Variants in JAKMIP1 observed in about 807,000 individuals in gnomAD.
JAKMIP1 encodes janus kinase and microtubule-interacting protein 1.
A neutral mutation model predicts 113.0 loss-of-function variants in JAKMIP1; 33 were observed. The ratio of observed to expected loss-of-function variants is 0.29; its 90% CI spans 0.22 to 0.39. JAKMIP1 has a LOEUF of 0.39. JAKMIP1 is among the 10% of genes least tolerant of loss of function. The pLI, the probability that JAKMIP1 is intolerant of heterozygous loss-of-function variation, is 1.00. For synonymous variants in JAKMIP1, 480 were observed against 459.9 expected (o/e 1.04, Z -0.56); for missense variants, 813 against 1,080.5 (o/e 0.75, Z 3.47).
At chr4:6,115,530 C>T (rs528580478) in intron 1 of JAKMIP1, among the ~76,000 whole-genome samples, 1 of 152,352 alleles carries the variant, frequency 6.6e-6, no homozygotes, top group East Asian at 1.9e-4. Context: ...AAGGTGCCAG[C>T]CCTGCACCCT....
intron 3 of JAKMIP1, among the ~76,000 whole-genome samples, chr4:6,101,577 G>T (rs989851320): frequency 2.0e-5 from 3 of 151,836 alleles, no homozygotes; most frequent in African/African-American, 7.3e-5. Context: ...TCTGCTTGCC[G>T]ATGTCTGCAT....
Position 6,106,037 on chromosome 4 carries a change from C to T in JAKMIP1, c.130-70G>A. 1.9e-6 allele frequency: 2 copies of T among 1,066,120 alleles called. No homozygotes were observed. Among genetic ancestry groups the T allele is most frequent in the South Asian group, 1.6e-5 (1 of 64,182 alleles). The allele number at this position is 1,066,120 out of a possible 1,614,324, so 66.0% of individuals were successfully genotyped here. On this transcript the variant is annotated intron_variant, in intron 2 of 20. Coordinates refer to ENST00000409021, the MANE Select transcript of JAKMIP1 (RefSeq NM_001099433.2). This position sits in a 1 kb window ranked among gnomAD's most constrained non-coding sequence, Gnocchi z 5.9. The stretch of plus-strand genomic sequence containing the variant: ...GTCAGGGTCAGGGTCAGGGTCACAG[C>T]TGGGGGAGCTGGCCACAGCCTCCCC...
chr4:6,148,736 C>A (rs1009563020), intron 1 of JAKMIP1, among the ~76,000 whole-genome samples: 3 of 152,240 alleles, frequency 2.0e-5, no homozygotes, highest in Non-Finnish European at 4.4e-5. Flanking sequence ...CAACTCCCAC[C>A]CGCACACCCA....
intron 20 of JAKMIP1, 64 bp from the exon 21 acceptor site, chr4:6,026,342 GAT>G: frequency 1.2e-6 from 1 of 837,384 alleles, no homozygotes; most frequent in Non-Finnish European, 1.9e-6. Flanking sequence ...ACAGATGTAA[GAT>G]ATGTAGTATG....
rs1203140627 is a variant in JAKMIP1 at position 6,085,566 on chromosome 4, C to A, written c.688G>T (p.Ala230Ser). The A allele has an allele frequency of 1.2e-6, 2 of 1,614,208 alleles. No individual in the cohort carries two copies. The highest frequency in any genetic ancestry group is 1.6e-4 in the Middle Eastern group (1 of 6,062). The change falls in exon 4 of 21, where the codon GCT (alanine) becomes TCT (serine). Residue 230 changes from alanine (A) to serine (S), a missense_variant. Around this residue, in one of 2 missense-constraint regions of JAKMIP1, gnomAD observed 540 missense variants for 653.9 expected, o/e 0.83. Coordinates refer to ENST00000409021, the MANE Select transcript of JAKMIP1 (RefSeq NM_001099433.2). ...LALEKELGVQ[A>S]GQTQKLLLQK... is the part of the protein sequence containing the mutation. ...AGAAGCAGCTTCTGGGTCTGCCCAG[C>A]CTGCACGCCAAGTTCCTTCTCCAAG... is the stretch of plus-strand genomic sequence containing the variant.
intron 1 of JAKMIP1, among the ~76,000 whole-genome samples, chr4:6,118,083 G>A (rs1158295026): frequency 6.6e-6 from 1 of 152,148 alleles, no homozygotes; most frequent in African/African-American, 2.4e-5. Flanking sequence ...AAATCACAAG[G>A]GTATTGATTG....
chr4:6,190,452 G>A (rs1189637719), intron 1 of JAKMIP1, among the ~76,000 whole-genome samples: 1 of 152,038 alleles, frequency 6.6e-6, no homozygotes, highest in Non-Finnish European at 1.5e-5. Context: ...TTCCATAAGT[G>A]AACAGCACCC....
At chr4:6,164,169 G>A (rs996484312) in intron 1 of JAKMIP1, among the ~76,000 whole-genome samples, 4 of 152,234 alleles carry the variant, frequency 2.6e-5, no homozygotes, top group African/African-American at 4.8e-5. Context: ...AGAAGTCGAT[G>A]CCTAGCTTCA....
intron 1 of JAKMIP1, among the ~76,000 whole-genome samples, chr4:6,131,173 A>AAAAG (rs71173409): frequency 7.3e-5 from 7 of 95,490 alleles, no homozygotes; most frequent in Non-Finnish European, 1.2e-4. Flanking sequence ...AAAAAAAAAA[A>AAAAG]AATATCCCAG....
Position 6,188,044 on chromosome 4 carries a change from A to G in JAKMIP1, c.-148+12209T>C, listed in dbSNP as rs906359260. On this transcript the variant is annotated intron_variant, in intron 1 of 20. Transcript: ENST00000409021. The surrounding 1 kb of genome is among the most constrained non-coding windows in gnomAD (Gnocchi z 5.8). Reference sequence around the variant, plus strand: ...AGATAGCAGAATTACCTTTCTGACAATGTTAAGTTTCTTAAATGGCTAATT... The same window carrying G: ...AGATAGCAGAATTACCTTTCTGACAGTGTTAAGTTTCTTAAATGGCTAATT... Among the ~76,000 whole-genome samples the G allele has an allele frequency of 3.3e-5, 5 of 152,182 alleles. No individual in the cohort carries two copies. The South Asian group carries it at 1.0e-3, about 32-fold the overall frequency.
intron 12 of JAKMIP1, among the ~76,000 whole-genome samples, chr4:6,055,315 T>A (rs1313079272): frequency 6.6e-6 from 1 of 152,122 alleles, no homozygotes; most frequent in Non-Finnish European, 1.5e-5. Context: ...CAAAACTGCA[T>A]TGCGGTGATG....
At chr4:6,144,504 T>C (rs111233478) in intron 1 of JAKMIP1, among the ~76,000 whole-genome samples, 213 of 152,298 alleles carry the variant, frequency 1.4e-3, no homozygotes, top group Non-Finnish European at 2.6e-3. Context: ...AACCAAATCC[T>C]GCAATATATA....
intron 5 of JAKMIP1, among the ~76,000 whole-genome samples, chr4:6,082,492 G>C (rs1720724802): frequency 6.6e-6 from 1 of 150,888 alleles, no homozygotes; most frequent in African/African-American, 2.4e-5. Flanking sequence ...TTTCGAGACA[G>C]AAGGTAGGTA....
At position 6,194,813 on chromosome 4, in the gene JAKMIP1, G is replaced by A. The variant is rs532554921; in HGVS notation, c.-148+5440C>T. On this transcript the variant is annotated intron_variant, in intron 1 of 20. Transcript: ENST00000409021. This position sits in a 1 kb window ranked among gnomAD's most constrained non-coding sequence, Gnocchi z 7.4. The stretch of plus-strand genomic sequence containing the variant: ...TGGGAGACAGGAGAGCAGGCAGCCT[G>A]TACCCAGGTCCTCCCAGGCCAGTTG... Among the ~76,000 whole-genome samples the A allele has an allele frequency of 7.9e-5, 12 of 152,304 alleles. No individual in the cohort carries two copies. In the South Asian group the frequency reaches 2.3e-3, roughly 29 times the overall value.
intron 13 of JAKMIP1, 115 bp downstream of exon 13, chr4:6,053,935 A>G: frequency 1.9e-6 from 3 of 1,561,474 alleles, no homozygotes; most frequent in Non-Finnish European, 2.6e-6. Flanking sequence ...AGAAACTATA[A>G]CATGTCCCCT....
At chr4:6,149,797 C>T (rs916165658) in intron 1 of JAKMIP1, among the ~76,000 whole-genome samples, 7 of 152,040 alleles carry the variant, frequency 4.6e-5, no homozygotes, top group East Asian at 1.9e-4. Flanking sequence ...TGAGGCCTAA[C>T]GCTTCTCGCC....
At chr4:6,090,961 G>C (rs545817583) in intron 3 of JAKMIP1, among the ~76,000 whole-genome samples, 1 of 152,306 alleles carries the variant, frequency 6.6e-6, no homozygotes, top group Admixed American at 6.5e-5. Flanking sequence ...GCCACCCCAG[G>C]TTGACCATAA....
intron 1 of JAKMIP1, among the ~76,000 whole-genome samples, chr4:6,159,261 A>T (rs1004072482): frequency 6.8e-6 from 1 of 147,946 alleles, no homozygotes; most frequent in Non-Finnish European, 1.5e-5. Flanking sequence ...TACAAATTTA[A>T]ATACAAACAG....
At chr4:6,101,343 T>C (rs1304994443) in intron 3 of JAKMIP1, among the ~76,000 whole-genome samples, 2 of 152,104 alleles carry the variant, frequency 1.3e-5, no homozygotes, top group East Asian at 1.9e-4. Context: ...CATTGAAAGA[T>C]CATCCTCTCT....
Sources: allele counts gnomAD v4.1 joint callset (sites outside exome capture counted in the v4.1 genomes callset), GRCh38; gene constraint gnomAD v4.1.1; regional missense constraint gnomAD v4.1.1; non-coding constraint Gnocchi (gnomAD v3.1); transcripts MANE v1.5; gene names NCBI Gene and HGNC (gene_info 2026-07-23, HGNC 2026-07-21).